Variants in GPR158 observed in about 807,000 individuals in gnomAD.
GPR158 encodes G protein-coupled receptor 158.
GPR158 carries 30 observed loss-of-function variants against 78.2 expected under a neutral mutation model. The observed-to-expected ratio is 0.38, with a 90% CI of 0.29 to 0.52. GPR158 has a LOEUF of 0.52. Among genes scored for constraint, GPR158 ranks in the 20% least tolerant of loss-of-function variants. The pLI is 0.83. For missense variants in GPR158, 1,463 were observed against 1,523.5 expected (o/e 0.96, Z 0.66); for synonymous variants, 581 against 591.1 (o/e 0.98, Z 0.25).
At chr10:25,219,644 G>C (rs182295151) in intron 1 of GPR158, among the ~76,000 whole-genome samples, 2 of 152,266 alleles carry the variant, frequency 1.3e-5, no homozygotes, top group Admixed American at 1.3e-4. Context: ...GAGCATGTAG[G>C]CACTAGGTAA....
intron 1 of GPR158, among the ~76,000 whole-genome samples, chr10:25,189,933 G>A (rs928270459): frequency 6.6e-6 from 1 of 151,304 alleles, no homozygotes; most frequent in Admixed American, 6.6e-5. Flanking sequence ...GTGTAGAGGA[G>A]TGGGGAAAGG....
intron 2 of GPR158, among the ~76,000 whole-genome samples, chr10:25,251,443 G>A (rs891036334): frequency 9.2e-5 from 14 of 151,938 alleles, no homozygotes; most frequent in Middle Eastern, 3.4e-3. Flanking sequence ...AATTTGCAGC[G>A]GCTGGTACTG....
intron 2 of GPR158, among the ~76,000 whole-genome samples, chr10:25,384,171 G>A (rs1273271780): frequency 1.3e-5 from 2 of 151,942 alleles, no homozygotes; most frequent in African/African-American, 2.4e-5. Context: ...GATTTGAAAG[G>A]GAGAAAAGAC....
intron 2 of GPR158, among the ~76,000 whole-genome samples, chr10:25,327,820 A>G (rs1012808950): frequency 7.3e-6 from 1 of 136,134 alleles, no homozygotes; most frequent in Non-Finnish European, 1.7e-5. Flanking sequence ...ATTCAGAATG[A>G]TTTGGTTTGA....
At chr10:25,368,719 G>T (rs1203049538) in intron 2 of GPR158, among the ~76,000 whole-genome samples, 1 of 151,550 alleles carries the variant, frequency 6.6e-6, no homozygotes, top group East Asian at 1.9e-4. Flanking sequence ...GAAAGTCATT[G>T]GTAGCTTGAT....
chr10:25,421,367 T>C (rs1834748793), intron 4 of GPR158, among the ~76,000 whole-genome samples: 1 of 152,182 alleles, frequency 6.6e-6, no homozygotes, highest in Admixed American at 6.5e-5. Context: ...TTTCCTGTGA[T>C]TTATGGGAGG....
intron 2 of GPR158, among the ~76,000 whole-genome samples, chr10:25,308,246 C>G (rs1854711119): frequency 6.6e-6 from 1 of 152,106 alleles, no homozygotes; most frequent in Non-Finnish European, 1.5e-5. Flanking sequence ...ATCAACCCAT[C>G]ACCTATGTAT....
At chr10:25,454,004 G>A (rs926064582) in intron 4 of GPR158, among the ~76,000 whole-genome samples, 1 of 152,126 alleles carries the variant, frequency 6.6e-6, no homozygotes, top group Non-Finnish European at 1.5e-5. Context: ...CATTGAATCT[G>A]TAGATTACTT....
chr10:25,423,503 A>G (rs570779466), intron 4 of GPR158, among the ~76,000 whole-genome samples: 4 of 151,906 alleles, frequency 2.6e-5, no homozygotes, highest in East Asian at 3.9e-4. Flanking sequence ...TCATCATTAC[A>G]TTAGGTATTT....
At chr10:25,455,176 T>C (rs959229666) in intron 4 of GPR158, among the ~76,000 whole-genome samples, 64 of 152,176 alleles carry the variant, frequency 4.2e-4, no homozygotes, top group Non-Finnish European at 7.4e-5. Flanking sequence ...GAGTTTGAGG[T>C]GCCTCTGTAT....
intron 4 of GPR158, among the ~76,000 whole-genome samples, chr10:25,423,121 A>G (rs117128619): frequency 0.16 from 3,653 of 23,068 alleles, 109 homozygotes; most frequent in Middle Eastern, 0.29. Context: ...ACATATATAC[A>G]TATATATGTA....
At chr10:25,197,635 A>G (rs779224633) in intron 1 of GPR158, among the ~76,000 whole-genome samples, 33 of 152,354 alleles carry the variant, frequency 2.2e-4, no homozygotes, top group Non-Finnish European at 4.1e-4. Context: ...CAGCCATTGT[A>G]TATTTTAAGG....
In GPR158 at chr10:25,600,187, C is replaced by A. The variant is rs1837475607; in HGVS notation, c.*913C>A. The A allele has an allele frequency of 1.3e-5, 2 of 152,592 alleles. No homozygotes were observed. Among genetic ancestry groups the A allele is most frequent in the African/African-American group, 4.8e-5 (2 of 41,446 alleles). The allele number at this position is 152,592 out of a possible 1,614,324, so 9.5% of individuals were successfully genotyped here. Reference sequence around the variant, plus strand: ...TGGAGATCAAGTGGTCCTACTTAGTCATATGTCTCAATAAGTTAAGGACAA... The same window carrying A: ...TGGAGATCAAGTGGTCCTACTTAGTAATATGTCTCAATAAGTTAAGGACAA... On this transcript the variant is annotated 3_prime_UTR_variant, in exon 11 of 11. Transcript: ENST00000376351.
chr10:25,561,978 G>A (rs1836866706), intron 6 of GPR158, among the ~76,000 whole-genome samples: 1 of 151,972 alleles, frequency 6.6e-6, no homozygotes, highest in Non-Finnish European at 1.5e-5. Context: ...AGATACCCTG[G>A]GGCTATAAGA....
At position 25,176,023 on chromosome 10, in the gene GPR158, C is replaced by G. The variant is rs1240220062; in HGVS notation, c.603C>G (p.Ile201Met). Reference sequence around the variant, plus strand: ...AGGCCACGCGCGAGGAGAGCCGCATCCTGCTCCAAGACCTGTCCTCCTCCG... The same window carrying G: ...AGGCCACGCGCGAGGAGAGCCGCATGCTGCTCCAAGACCTGTCCTCCTCCG... Reference protein sequence around the residue: ...FLQATREESRILLQDLSSSAP... With the variant: ...FLQATREESRMLLQDLSSSAP... Residue 201 changes from isoleucine to methionine, a missense_variant, in exon 1 of 11, where the codon ATC becomes ATG. Transcript: ENST00000376351. This position sits in a 1 kb window ranked among gnomAD's most constrained non-coding sequence, Gnocchi z 6.3. 6.2e-7 allele frequency: 1 copy of G among 1,612,042 alleles called. No individual in the cohort carries two copies. Among genetic ancestry groups the G allele is most frequent in the Admixed American group, 1.7e-5 (1 of 59,796 alleles).
intron 2 of GPR158, among the ~76,000 whole-genome samples, chr10:25,317,736 G>T (rs796125185): frequency 0.14 from 17,522 of 121,646 alleles, 2,047 homozygotes; most frequent in African/African-American, 0.35. Context: ...GTTTTGTTTT[G>T]TTTTGTTTTT....
At chr10:25,491,235 C>A (rs530292499) in intron 5 of GPR158, among the ~76,000 whole-genome samples, 1 of 152,242 alleles carries the variant, frequency 6.6e-6, no homozygotes, top group East Asian at 1.9e-4. Flanking sequence ...TTACATTTCC[C>A]AGCCTCACAA....
chr10:25,250,543 T>G (rs1410157359), intron 2 of GPR158, among the ~76,000 whole-genome samples: 1 of 146,634 alleles, frequency 6.8e-6, no homozygotes, highest in African/African-American at 2.6e-5. Context: ...AAAGAACATC[T>G]TTATTTCTGC....
At chr10:25,264,216 A>G (rs1176964141) in intron 2 of GPR158, among the ~76,000 whole-genome samples, 2 of 152,202 alleles carry the variant, frequency 1.3e-5, no homozygotes, top group Non-Finnish European at 2.9e-5. Context: ...AACCAATAGA[A>G]TAAGACCAGA....
Sources: allele counts gnomAD v4.1 joint callset (sites outside exome capture counted in the v4.1 genomes callset), GRCh38; gene constraint gnomAD v4.1.1; non-coding constraint Gnocchi (gnomAD v3.1); transcripts MANE v1.5; gene names NCBI Gene and HGNC (gene_info 2026-07-23, HGNC 2026-07-21).